The following PLPPR4 variants were observed in gnomAD, a reference collection of about 807,000 sequenced individuals.
PLPPR4 encodes phospholipid phosphatase related 4, also known as phospholipid phosphatase-related protein type 4.
Under a neutral mutation model 56.6 loss-of-function variants are expected in PLPPR4, and 24 were observed. That is an observed-to-expected ratio of 0.42 (90% CI 0.31 to 0.60). PLPPR4 has a LOEUF of 0.60. PLPPR4 is among the 20% of genes least tolerant of loss of function. PLPPR4 has a pLI of 0.13. For synonymous variants in PLPPR4, 326 were observed against 328.1 expected, an observed-to-expected ratio of 0.99 and a Z score of 0.07; for missense variants, 654 against 885.8, an observed-to-expected ratio of 0.74 and a Z score of 3.32.
chr1:99,273,164 A>G (rs757785265), intron 1 of PLPPR4, among the ~76,000 whole-genome samples: 1 of 152,098 alleles, frequency 6.6e-6, no homozygotes, highest in Non-Finnish European at 1.5e-5. Context: ...TGTTTTTCTT[A>G]CCAATAATTA....
chr1:99,292,040 A>G (rs1210809805), intron 2 of PLPPR4, among the ~76,000 whole-genome samples: 1 of 152,172 alleles, frequency 6.6e-6, no homozygotes, highest in Non-Finnish European at 1.5e-5. Context: ...CAAAATTATT[A>G]TAATTGATAT....
At position 99,296,889 on chromosome 1, in the gene PLPPR4, G is replaced by T. The variant is rs745498984; in HGVS notation, c.394+22G>T. On this transcript the variant is annotated intron_variant, in intron 3 of 6. Transcript: ENST00000370185. Reference sequence around the variant, plus strand: ...GTTGGTGGGTGTGGGGAACCACAAAGAAAAGAAATGCTTTTTTTTTTATAT... The same window carrying T: ...GTTGGTGGGTGTGGGGAACCACAAATAAAAGAAATGCTTTTTTTTTTATAT... The T allele has an allele frequency of 2.0e-6, 3 of 1,504,324 alleles. No homozygotes were observed. The African/African-American group carries it at 4.2e-5, about 21-fold the overall frequency. 93.2% of individuals were successfully genotyped at this position (1,504,324 alleles called of 1,614,324 possible).
upstream of PLPPR4, chr1:99,263,942 A>T (rs1391705115): frequency 6.5e-6 from 1 of 153,646 alleles, no homozygotes; most frequent in Non-Finnish European, 1.4e-5. Flanking sequence ...TAGGCAGAGA[A>T]TCCCCCGTAG....
intron 2 of PLPPR4, among the ~76,000 whole-genome samples, chr1:99,290,126 C>A (rs956952120): frequency 3.3e-5 from 5 of 152,078 alleles, no homozygotes; most frequent in African/African-American, 1.2e-4. Context: ...GCAAAAATCA[C>A]TAGCAATCCT....
intron 3 of PLPPR4, among the ~76,000 whole-genome samples, chr1:99,298,098 T>C (rs1570921737): frequency 6.6e-6 from 1 of 152,052 alleles, no homozygotes; most frequent in African/African-American, 2.4e-5. Flanking sequence ...CAGTAAGCAG[T>C]GAAGAAAAAT....
rs1435851583 is a variant in PLPPR4, at chr1:99,296,808, A to G, written c.335A>G (p.Asn112Ser). The G allele has an allele frequency of 6.2e-7, 1 of 1,604,724 alleles. No homozygotes were observed. The highest frequency in any genetic ancestry group is 8.5e-7 in the Non-Finnish European group (1 of 1,173,654). Residue 112 changes from asparagine (N) to serine (S), a missense_variant, in exon 3 of 7, where the codon AAC becomes AGC. This residue lies in a region of PLPPR4 where 186 missense variants were observed against 331.4 expected (regional missense o/e 0.56). Coordinates refer to ENST00000370185, the MANE Select transcript of PLPPR4 (RefSeq NM_014839.5). ...KRRNGVGLEPNINAGGCNFNS... is the reference protein window; with the variant it reads ...KRRNGVGLEPSINAGGCNFNS... ...AGAAATGGGGTCGGACTAGAGCCCA[A>G]CATTAATGCTGGAGGCTGCAACTTC...
rs942039822 is a variant in PLPPR4 at position 99,301,795 on chromosome 1, C to T, written c.720C>T (p.Ile240=). 1 of 1,612,506 alleles carries T rather than the reference C, an allele frequency of 6.2e-7. No homozygotes were observed. Among genetic ancestry groups the T allele is most frequent in the Non-Finnish European group, 8.5e-7 (1 of 1,178,830 alleles). The change falls in exon 6 of 7, where the codon ATC becomes ATT. Residue 240 remains isoleucine (I), a synonymous_variant. Transcript: ENST00000370185. The stretch of plus-strand genomic sequence containing the variant: ...CTCTCTTGGTCTTCACATTTATCAT[C>T]TGTGGAATAATCTGCGGGCTAACAC... ...LKPLLVFTFI[I]CGIICGLTRI... is the part of the protein sequence containing the mutation.
chr1:99,300,867 A>T, intron 4 of PLPPR4, 42 bp from the exon 5 acceptor site: 2 of 1,466,074 alleles, frequency 1.4e-6, no homozygotes, highest in Admixed American at 1.7e-5. Flanking sequence ...CTAGCAGTGT[A>T]TCTGAACTAC....
intron 1 of PLPPR4, among the ~76,000 whole-genome samples, chr1:99,280,585 T>C (rs1480407180): frequency 6.6e-6 from 1 of 152,182 alleles, no homozygotes; most frequent in Non-Finnish European, 1.5e-5. Flanking sequence ...TAAATAACTA[T>C]AATCAAAGGC....
chr1:99,303,622 A>G (rs775174395), intron 6 of PLPPR4, among the ~76,000 whole-genome samples: 59 of 152,214 alleles, frequency 3.9e-4, no homozygotes, highest in African/African-American at 1.2e-3. Flanking sequence ...GTTCTCAATC[A>G]TGTGGTCTTA....
chr1:99,281,032 A>G (rs1659310797), intron 1 of PLPPR4, among the ~76,000 whole-genome samples: 1 of 152,224 alleles, frequency 6.6e-6, no homozygotes, highest in Non-Finnish European at 1.5e-5. Context: ...TATGAAGAGA[A>G]TAGAGATTTT....
chr1:99,279,798 G>T (rs1370612509), intron 1 of PLPPR4, among the ~76,000 whole-genome samples: 2 of 152,152 alleles, frequency 1.3e-5, no homozygotes. Context: ...CTGGGGCATG[G>T]TCCTTATCTT....
At chr1:99,269,397 T>G (rs1201838193) in intron 1 of PLPPR4, among the ~76,000 whole-genome samples, 1 of 152,258 alleles carries the variant, frequency 6.6e-6, no homozygotes, top group African/African-American at 2.4e-5. Flanking sequence ...TGTGTATATG[T>G]GTCTTTATAG....
At chr1:99,301,080 T>C in intron 5 of PLPPR4, 114 bp downstream of exon 5, 1 of 880,110 alleles carries the variant, frequency 1.1e-6, no homozygotes, top group South Asian at 1.5e-5. Context: ...GAATGGTAAA[T>C]TTAGCACTGC....
intron 4 of PLPPR4, 75 bp downstream of exon 4, chr1:99,299,305 C>A: frequency 2.9e-6 from 3 of 1,040,322 alleles, no homozygotes; most frequent in Admixed American, 2.2e-5. Context: ...TCACTTTAAG[C>A]ATGCCTCTTT....
At chr1:99,295,491 C>T (rs1557780809) in intron 2 of PLPPR4, among the ~76,000 whole-genome samples, 2 of 152,126 alleles carry the variant, frequency 1.3e-5, no homozygotes, top group African/African-American at 2.4e-5. Flanking sequence ...TTTACAGTGA[C>T]ATGATTAGTT....
chr1:99,270,888 C>A (rs982359911), intron 1 of PLPPR4, among the ~76,000 whole-genome samples: 6 of 152,122 alleles, frequency 3.9e-5, no homozygotes, highest in Non-Finnish European at 2.9e-5. Context: ...AGTCACAATG[C>A]ATAAAGTCTG....
chr1:99,307,244 C>T lies in PLPPR4; in HGVS notation c.*234C>T. On this transcript the variant is annotated 3_prime_UTR_variant, in exon 7 of 7. Transcript: ENST00000370185. Reference sequence around the variant, plus strand: ...GATGATATGAAGAGTTTTCTTAAGACCTGTCGTCAAACTTAAAAGGTTTTG... The same window carrying T: ...GATGATATGAAGAGTTTTCTTAAGATCTGTCGTCAAACTTAAAAGGTTTTG... The T allele has an allele frequency of 2.1e-6, 1 of 479,772 alleles. No individual in the cohort carries two copies. Among genetic ancestry groups the T allele is most frequent in the Non-Finnish European group, 3.6e-6 (1 of 277,236 alleles). 29.7% of individuals were successfully genotyped at this position (479,772 alleles called of 1,614,324 possible). A position where few individuals can be genotyped will look rare whatever the true frequency, so the allele number is the denominator to read the frequency against.
intron 2 of PLPPR4, among the ~76,000 whole-genome samples, chr1:99,289,108 G>A (rs1021557222): frequency 1.3e-5 from 2 of 152,004 alleles, no homozygotes; most frequent in Non-Finnish European, 2.9e-5. Context: ...TACTACCTAA[G>A]AGGACAAGAA....
Sources: allele counts gnomAD v4.1 joint callset (sites outside exome capture counted in the v4.1 genomes callset), GRCh38; gene constraint gnomAD v4.1.1; regional missense constraint gnomAD v4.1.1; transcripts MANE v1.5; gene names NCBI Gene and HGNC (gene_info 2026-07-23, HGNC 2026-07-21).